The following BLM variants were observed in gnomAD, a reference collection of about 807,000 sequenced individuals.
BLM encodes recQ-like DNA helicase BLM.
Under a neutral mutation model 135.3 loss-of-function variants are expected in BLM, and 95 were observed. The observed-to-expected ratio is 0.70, with a 90% confidence interval of 0.59 to 0.83. BLM has a LOEUF of 0.83. Among genes scored for constraint, BLM ranks in the 40% least tolerant of loss-of-function variants. BLM has a pLI of 0.00. For synonymous variants in BLM, 520 were observed against 589.2 expected (o/e 0.88, Z 1.70); for missense variants, 1,518 against 1,663.9 (o/e 0.91, Z 1.53).
rs372134818 is a variant in BLM, at chr15:90,809,155, C to T, written c.3770C>T (p.Pro1257Leu). The change falls in exon 20 of 22, where the codon CCT (proline) becomes CTT (leucine). Residue 1257 changes from proline to leucine, a missense_variant. By Grantham distance (98) the Pro-to-Leu change is moderately conservative. This residue lies in a region of BLM where 626 missense variants were observed against 681.1 expected (regional missense o/e 0.92). Transcript: ENST00000355112. The stretch of plus-strand genomic sequence containing the variant: ...TGCACAGAATCTTTATCTTCTGATC[C>T]TGAGGTTTTGCTTCAAATTGATGGT... ...KKLAESLSSD[P>L]EVLLQIDGVT... The T allele has an allele frequency of 1.9e-5, 31 of 1,613,998 alleles. No individual in the cohort carries two copies. The South Asian group carries it at 2.5e-4, about 13-fold the overall frequency.
intron 18 of BLM, 22 bp from the exon 19 acceptor site, chr15:90,804,145 G>T: frequency 6.2e-7 from 1 of 1,605,332 alleles, no homozygotes; most frequent in South Asian, 1.1e-5. Context: ...CCACTCCTAT[G>T]ATTTGTTTCT....
At chr15:90,727,379 A>G (rs1378848429) in intron 1 of BLM, among the ~76,000 whole-genome samples, 1 of 152,024 alleles carries the variant, frequency 6.6e-6, no homozygotes, top group African/African-American at 2.4e-5. Flanking sequence ...TGTATGTTAT[A>G]TTTCATAGAT....
rs2151165744 is a variant in BLM, at chr15:90,769,183, G to A, written c.2358G>A (p.Arg786=). Residue 786 remains arginine (R), a synonymous_variant, in exon 11 of 22, where the codon AGG becomes AGA. Coordinates refer to ENST00000355112, the MANE Select transcript of BLM (RefSeq NM_000057.4). Reference sequence around the variant, plus strand: ...CTACTCTGGAGAATCTCTATGAGAGGAAGCTCTTGGCACGTTTTGTTATTG... The same window carrying A: ...CTACTCTGGAGAATCTCTATGAGAGAAAGCTCTTGGCACGTTTTGTTATTG... The part of the protein sequence containing the change: ...LISTLENLYE[R]KLLARFVIDE... 1 of 1,614,000 alleles carries A rather than the reference G, an allele frequency of 6.2e-7. No individual in the cohort carries two copies.
intron 10 of BLM, 85 bp from the exon 11 acceptor site, chr15:90,769,048 T>A: frequency 8.4e-7 from 1 of 1,186,154 alleles, no homozygotes; most frequent in Admixed American, 1.7e-5. Context: ...TAATACAGCT[T>A]AAGTTGTGAT....
At chr15:90,755,050 T>C in intron 5 of BLM, 112 bp downstream of exon 5, 1 of 1,335,688 alleles carries the variant, frequency 7.5e-7, no homozygotes, top group South Asian at 1.3e-5. Flanking sequence ...AATGGCAGAT[T>C]TGTAGTTTCT....
chr15:90,769,573 C>T lies in BLM; in HGVS notation c.2542C>T (p.Leu848Phe), dbSNP rs1253226305. The change falls in exon 12 of 22, where the codon CTC (leucine) becomes TTC (phenylalanine). Residue 848 changes from leucine (L) to phenylalanine (F), a missense_variant. Physicochemically the swap from Leu to Phe is conservative, Grantham distance 22. This residue lies in a region of BLM where 626 missense variants were observed against 681.1 expected (regional missense o/e 0.92). Transcript: ENST00000355112. ...GGACATCCTGACTCAGCTGAAGATT[C>T]TCAGACCTCAGGTGTAAGTTGTTGC... ...QKDILTQLKI[L>F]RPQVFSMSFN... 6.2e-7 allele frequency: 1 copy of T among 1,613,922 alleles called. No homozygotes were observed. Among genetic ancestry groups the T allele is most frequent in the South Asian group, 1.1e-5 (1 of 91,076 alleles).
rs993260511 is a variant in BLM, at chr15:90,783,031, T to C, written c.2662+103T>C. 45 of 903,368 alleles carry C rather than the reference T, an allele frequency of 5.0e-5. 1 individual carries two copies. Among genetic ancestry groups the C allele is most frequent in the Non-Finnish European group, 8.1e-5 (45 of 558,760 alleles). 56.0% of individuals were successfully genotyped at this position (903,368 alleles called of 1,614,324 possible). A position where few individuals can be genotyped will look rare whatever the true frequency, so the allele number is the denominator to read the frequency against. ...ATATTAAACATTCCTTTTTGCATTATGACAGCACTAACTTGCTCTTTATAG... is the reference window on the plus strand; with the variant it reads ...ATATTAAACATTCCTTTTTGCATTACGACAGCACTAACTTGCTCTTTATAG... On this transcript the variant is annotated intron_variant, in intron 13 of 21. Coordinates refer to ENST00000355112, the MANE Select transcript of BLM (RefSeq NM_000057.4).
At chr15:90,746,989 C>T (rs771818918) in intron 1 of BLM, among the ~76,000 whole-genome samples, 7 of 152,034 alleles carry the variant, frequency 4.6e-5, no homozygotes, top group Non-Finnish European at 1.0e-4. Flanking sequence ...TTGGGCTTTC[C>T]GTGTGCTTTG....
rs28385142 is a variant in BLM at position 90,804,245 on chromosome 15, G to A, written c.3637G>A (p.Glu1213Lys). The A allele has an allele frequency of 9.9e-6, 16 of 1,614,066 alleles. No homozygotes were observed. The Admixed American group carries it at 1.3e-4, about 13-fold the overall frequency. ...AGTAGCAAAAGTGTCTCAGAGGGAA[G>A]AGATGGTTAAAAAATGTCTTGGAGA... ...ALVAKVSQRE[E>K]MVKKCLGELT... Residue 1213 changes from glutamate to lysine, a missense_variant, in exon 19 of 22, where the codon GAG becomes AAG. Glu to Lys is a moderately conservative substitution (Grantham distance 56). This residue lies in a region of BLM where 626 missense variants were observed against 681.1 expected (regional missense o/e 0.92). Coordinates refer to ENST00000355112, the MANE Select transcript of BLM (RefSeq NM_000057.4).
intron 14 of BLM, among the ~76,000 whole-genome samples, chr15:90,787,675 G>A (rs1485628121): frequency 6.6e-6 from 1 of 152,142 alleles, no homozygotes; most frequent in African/African-American, 2.4e-5. Context: ...ATGGCCAGGT[G>A]CAGTGGCTCA....
intron 17 of BLM, among the ~76,000 whole-genome samples, chr15:90,800,584 G>A (rs921832882): frequency 6.6e-6 from 1 of 152,154 alleles, no homozygotes; most frequent in Non-Finnish European, 1.5e-5. Flanking sequence ...GGAGGCTGAG[G>A]CAGGAGAATT....
In BLM at chr15:90,816,080, C is replaced by CAAAAAAA. The variant is rs34940723; in HGVS notation, c.*814_*820dup. The CAAAAAAA allele has an allele frequency of 1.0e-5, 1 of 96,522 alleles. No homozygotes were observed. The highest frequency in any genetic ancestry group is 1.1e-4 in the Admixed American group (1 of 9,320). The allele number at this position is 96,522 out of a possible 1,614,324, so 6.0% of individuals were successfully genotyped here. A position where few individuals can be genotyped will look rare whatever the true frequency, so the allele number is the denominator to read the frequency against. On this transcript the variant is annotated 3_prime_UTR_variant, in exon 22 of 22. Coordinates refer to ENST00000355112, the MANE Select transcript of BLM (RefSeq NM_000057.4). ...TGGGTGACAGAGCAAGACTCCGTCT[C>CAAAAAAA]AAAAAAAAAAAAAAAAAAAGAAATA...
At chr15:90,797,407 T>C (rs1252733819) in intron 16 of BLM, among the ~76,000 whole-genome samples, 3 of 89,884 alleles carry the variant, frequency 3.3e-5, no homozygotes, top group African/African-American at 5.3e-5. Flanking sequence ...CGAGCGAAAC[T>C]CCATCTCAAA....
At chr15:90,785,759 C>T (rs1450235142) in intron 14 of BLM, among the ~76,000 whole-genome samples, 1 of 152,030 alleles carries the variant, frequency 6.6e-6, no homozygotes, top group African/African-American at 2.4e-5. Flanking sequence ...TCTCGAACTC[C>T]TGGCCTCAAG....
At chr15:90,793,928 T>C (rs1014333202) in intron 15 of BLM, 10 of 294,214 alleles carry the variant, frequency 3.4e-5, no homozygotes, top group Non-Finnish European at 5.1e-5. Context: ...ACCATCATCA[T>C]TGGGGATAAT....
At chr15:90,813,024 G>A (rs767002367) in intron 21 of BLM, among the ~76,000 whole-genome samples, 7 of 152,048 alleles carry the variant, frequency 4.6e-5, no homozygotes, top group Non-Finnish European at 4.4e-5. Flanking sequence ...TCAACACCCA[G>A]GGTTTTTGAA....
At chr15:90,747,268 T>G in intron 1 of BLM, 121 bp from the exon 2 acceptor site, 2 of 463,586 alleles carry the variant, frequency 4.3e-6, no homozygotes, top group Non-Finnish European at 7.9e-6. Flanking sequence ...AAAAAAGTCC[T>G]ATTACTCTGG....
intron 16 of BLM, among the ~76,000 whole-genome samples, chr15:90,796,577 C>G (rs1199888320): frequency 6.6e-6 from 1 of 152,164 alleles, no homozygotes; most frequent in Non-Finnish European, 1.5e-5. Flanking sequence ...GCATCCAGCT[C>G]CTGGGCCATA....
chr15:90,810,643 C>T (rs921187566), intron 20 of BLM, among the ~76,000 whole-genome samples: 2 of 152,166 alleles, frequency 1.3e-5, no homozygotes, highest in Non-Finnish European at 2.9e-5. Flanking sequence ...GGTCTCACCT[C>T]CCGCATAATA....
Sources: gnomAD v4.1 joint callset for allele counts (sites outside exome capture counted in the v4.1 genomes callset) on GRCh38, gnomAD v4.1.1 for gene constraint, gnomAD v4.1.1 regional missense constraint, MANE v1.5 for transcripts, NCBI Gene and HGNC (gene_info 2026-07-23, HGNC 2026-07-21) for gene names.